ST6GALNAC1: variants seen among roughly 807,000 people sequenced by gnomAD.
ST6GALNAC1 encodes alpha-N-acetylgalactosaminide alpha-2,6-sialyltransferase 1.
Under a neutral mutation model 56.8 loss-of-function variants are expected in ST6GALNAC1, and 45 were observed. That is an observed-to-expected ratio of 0.79 (90% CI 0.62 to 1.02). The LOEUF (loss-of-function observed/expected upper bound fraction) is 1.02, where lower values mean the gene tolerates loss of function less well. Among genes scored for constraint, ST6GALNAC1 ranks in the 50% least tolerant of loss-of-function variants. The pLI is 0.00. For synonymous variants in ST6GALNAC1, 295 were observed against 297.8 expected, an observed-to-expected ratio of 0.99 and a Z score of 0.10; for missense variants, 743 against 754.8, an observed-to-expected ratio of 0.98 and a Z score of 0.18.
downstream of ST6GALNAC1, among the ~76,000 whole-genome samples, chr17:76,620,063 C>G (rs1025734077): frequency 6.8e-6 from 1 of 147,444 alleles, no homozygotes; most frequent in South Asian, 2.2e-4. Context: ...ATTTTTTATA[C>G]AGAGTCTTGC....
chr17:76,629,600 T>G lies in ST6GALNAC1; in HGVS notation c.243A>C (p.Pro81=). The G allele has an allele frequency of 6.2e-7, 1 of 1,613,736 alleles. No homozygotes were observed. Among genetic ancestry groups the G allele is most frequent in the Non-Finnish European group, 8.5e-7 (1 of 1,179,754 alleles). ...RRTTIYAEPV[P]ENNALNTQTQ... is the part of the protein sequence containing the mutation. ...TTTGTGTGTTGAGGGCATTGTTCTCTGGCACTGGCTCTGCATAGATGGTTG... is the reference window on the plus strand; with the variant it reads ...TTTGTGTGTTGAGGGCATTGTTCTCGGGCACTGGCTCTGCATAGATGGTTG... Residue 81 remains proline (P), a synonymous_variant, in exon 2 of 9, where the codon CCA becomes CCC. Coordinates refer to ENST00000156626, the MANE Select transcript of ST6GALNAC1 (RefSeq NM_018414.5).
At chr17:76,643,372 T>G in intron 1 of ST6GALNAC1, 136 bp downstream of exon 1, 3 of 964,494 alleles carry the variant, frequency 3.1e-6, no homozygotes, top group Non-Finnish European at 4.5e-6. Context: ...CAGTGCTTCT[T>G]GAGAACACTC....
At chr17:76,622,509 T>C (rs140560862), downstream of ST6GALNAC1, among the ~76,000 whole-genome samples, 714 of 151,378 alleles carry the variant, frequency 4.7e-3, 9 homozygotes, top group African/African-American at 0.017. Context: ...GGACTACAGG[T>C]GCACGCCACC....
At chr17:76,624,017 G>A (rs1272018693), downstream of ST6GALNAC1, among the ~76,000 whole-genome samples, 3 of 152,200 alleles carry the variant, frequency 2.0e-5, no homozygotes, top group Non-Finnish European at 2.9e-5. Flanking sequence ...CTGAAGTAAG[G>A]AGCCTGGGGT....
chr17:76,628,243 C>T (rs1228283792), intron 2 of ST6GALNAC1, among the ~76,000 whole-genome samples: 2 of 38,596 alleles, frequency 5.2e-5, no homozygotes, highest in Non-Finnish European at 1.3e-4. Context: ...GGGCCTTCTC[C>T]CTCCCTCCCT....
downstream of ST6GALNAC1, among the ~76,000 whole-genome samples, chr17:76,619,801 A>G (rs1273472063): frequency 7.2e-6 from 1 of 139,246 alleles, no homozygotes; most frequent in African/African-American, 2.7e-5. Context: ...CTGGAGTGCA[A>G]TGGCGCAATC....
Position 76,626,105 on chromosome 17 carries a change from G to T in ST6GALNAC1, c.1416-10C>A. Reference sequence around the variant, plus strand: ...TTCCTGGGGTCTGTGCCTGTGGTTAGGAAGGGGTCATTCAGACTCAGCTCC... The same window carrying T: ...TTCCTGGGGTCTGTGCCTGTGGTTATGAAGGGGTCATTCAGACTCAGCTCC... On this transcript the variant is annotated splice_polypyrimidine_tract_variant and intron_variant, in intron 6 of 8. Transcript: ENST00000156626. The T allele has an allele frequency of 6.2e-7, 1 of 1,613,964 alleles. No individual in the cohort carries two copies. The highest frequency in any genetic ancestry group is 1.1e-5 in the South Asian group (1 of 91,076).
At chr17:76,637,603 T>C (rs182173478) in intron 1 of ST6GALNAC1, 3 of 398,612 alleles carry the variant, frequency 7.5e-6, no homozygotes, top group African/African-American at 6.2e-5. Context: ...CTCTCACACA[T>C]AAGCCAGGTG....
At chr17:76,624,741 T>G (rs717571), downstream of ST6GALNAC1, 56,692 of 152,958 alleles carry the variant, frequency 0.37, 13,081 homozygotes, top group Non-Finnish European at 0.52. Flanking sequence ...TCCCTATCCA[T>G]GGAGTAACAA....
chr17:76,629,108 C>T lies in ST6GALNAC1; in HGVS notation c.735G>A (p.Thr245=), dbSNP rs779693069. ...PPPAPFQSPT[T]QRNQRLKAAN... ...CGGCCTTCAGTCTTTGGTTTCTCTG[C>T]GTCGTGGGGCTCTGGAAAGGGGCAG... The change falls in exon 2 of 9, where the codon ACG becomes ACA. Residue 245 remains threonine (T), a synonymous_variant. Transcript: ENST00000156626. 32 of 1,603,250 alleles carry T rather than the reference C, an allele frequency of 2.0e-5. 1 individual carries two copies. The Middle Eastern group carries it at 5.0e-4, about 25-fold the overall frequency.
At chr17:76,632,205 C>T (rs1250523301) in intron 1 of ST6GALNAC1, among the ~76,000 whole-genome samples, 2 of 152,172 alleles carry the variant, frequency 1.3e-5, no homozygotes, top group African/African-American at 2.4e-5. Flanking sequence ...ACTTCCCTTC[C>T]AAACTCCGGC....
At chr17:76,642,827 G>A (rs2076065585) in intron 1 of ST6GALNAC1, among the ~76,000 whole-genome samples, 1 of 150,542 alleles carries the variant, frequency 6.6e-6, no homozygotes, top group African/African-American at 2.5e-5. Context: ...AGCTACTCAG[G>A]AAGCTGAGGC....
intron 1 of ST6GALNAC1, among the ~76,000 whole-genome samples, chr17:76,642,502 T>G (rs2076061881): frequency 6.6e-6 from 1 of 152,182 alleles, no homozygotes; most frequent in Non-Finnish European, 1.5e-5. Flanking sequence ...TACCCTCAAG[T>G]GTCAAGAGTG....
At chr17:76,619,887 G>A (rs146036115), downstream of ST6GALNAC1, among the ~76,000 whole-genome samples, 703 of 151,924 alleles carry the variant, frequency 4.6e-3, 9 homozygotes, top group African/African-American at 0.016. Context: ...GGGATTACAG[G>A]CATGCACCGC....
At chr17:76,631,741 G>C (rs912389145) in intron 1 of ST6GALNAC1, among the ~76,000 whole-genome samples, 1 of 152,032 alleles carries the variant, frequency 6.6e-6, no homozygotes, top group African/African-American at 2.4e-5. Context: ...AGAAGACTGT[G>C]GCCCCCTTGG....
chr17:76,635,896 A>C (rs1487463139), intron 1 of ST6GALNAC1, among the ~76,000 whole-genome samples: 1 of 152,166 alleles, frequency 6.6e-6, no homozygotes, highest in Non-Finnish European at 1.5e-5. Flanking sequence ...GTATGATATT[A>C]GTCATACGTG....
chr17:76,627,324 C>T lies in ST6GALNAC1; in HGVS notation c.1001-86G>A. On this transcript the variant is annotated intron_variant, in intron 3 of 8. Transcript: ENST00000156626. This position sits in a 1 kb window ranked among gnomAD's most constrained non-coding sequence, Gnocchi z 4.4. ...CATTCCTCCCAGGTCTGGCAAACCC[C>T]AGGGAAGAGGCAGACCAGAAAGCCA... is the stretch of plus-strand genomic sequence containing the variant. 1.9e-6 allele frequency: 3 copies of T among 1,573,622 alleles called. No homozygotes were observed.
At chr17:76,635,289 C>T (rs922267715) in intron 1 of ST6GALNAC1, among the ~76,000 whole-genome samples, 16 of 152,172 alleles carry the variant, frequency 1.1e-4, no homozygotes, top group Admixed American at 9.8e-4. Context: ...ACAGACAGGT[C>T]CCCAGCATTC....
chr17:76,631,093 G>C (rs1018454340), intron 1 of ST6GALNAC1, among the ~76,000 whole-genome samples: 2 of 133,672 alleles, frequency 1.5e-5, no homozygotes, highest in African/African-American at 5.5e-5. Context: ...GTGTGTGTGT[G>C]TGTGCACGCG....
Sources: gnomAD v4.1 joint callset for allele counts (sites outside exome capture counted in the v4.1 genomes callset) on GRCh38, gnomAD v4.1.1 for gene constraint, Gnocchi (gnomAD v3.1) non-coding constraint, MANE v1.5 for transcripts, NCBI Gene and HGNC (gene_info 2026-07-23, HGNC 2026-07-21) for gene names.